The following MAPK6 variants were observed in gnomAD, a reference collection of about 807,000 sequenced individuals.
MAPK6 encodes the protein ERK-3.
Under a neutral mutation model 59.3 loss-of-function variants are expected in MAPK6, and 19 were observed. The ratio of observed to expected loss-of-function variants is 0.32; its 90% confidence interval spans 0.22 to 0.47. The LOEUF (loss-of-function observed/expected upper bound fraction) is 0.47. Among genes scored for constraint, MAPK6 ranks in the 20% least tolerant of loss-of-function variants. MAPK6 has a pLI of 1.00. For missense variants in MAPK6, 724 were observed against 847.9 expected (o/e 0.85, Z 1.81); for synonymous variants, 316 against 290.3 (o/e 1.09, Z -0.90).
At chr15:52,011,896 G>T (rs904569754) in intron 3 of MAPK6, among the ~76,000 whole-genome samples, 1 of 152,214 alleles carries the variant, frequency 6.6e-6, no homozygotes, top group African/African-American at 2.4e-5. Flanking sequence ...CAGACACACA[G>T]AAGCTTCAAG....
chr15:52,028,035 C>A (rs1595982397), intron 1 of MAPK6, among the ~76,000 whole-genome samples: 1 of 140,460 alleles, frequency 7.1e-6, no homozygotes, highest in East Asian at 2.2e-4. Context: ...TCACTGCAAG[C>A]TCTGCCTCCC....
rs185584100 is a variant in MAPK6, at chr15:51,977,011, T to C, written c.-880+5105T>C. Among the ~76,000 whole-genome samples the C allele has an allele frequency of 1.9e-3, 283 of 151,632 alleles. 1 individual carries two copies. The highest frequency in any genetic ancestry group is 6.3e-3 in the African/African-American group (263 of 41,498). On this transcript the variant is annotated intron_variant, in intron 1 of 7. Transcript: ENST00000691380. ...CATCCTAGAATTATTATTATTATTTTTGGGGGAAGGGGGATGGAGTCTCTC... is the reference window on the plus strand; with the variant it reads ...CATCCTAGAATTATTATTATTATTTCTGGGGGAAGGGGGATGGAGTCTCTC...
At chr15:52,015,775 G>A (rs568190052), upstream of MAPK6, among the ~76,000 whole-genome samples, 318 of 147,954 alleles carry the variant, frequency 2.1e-3, 1 homozygote, top group Middle Eastern at 3.4e-3. Context: ...AACTGAAACC[G>A]GGCTGGGCGT....
intron 3 of MAPK6, among the ~76,000 whole-genome samples, chr15:52,008,587 C>T (rs1031626692): frequency 7.9e-5 from 12 of 152,190 alleles, no homozygotes; most frequent in South Asian, 2.1e-4. Flanking sequence ...TGCTCACCTG[C>T]GTGCTCCACT....
intron 2 of MAPK6, among the ~76,000 whole-genome samples, chr15:51,996,271 G>A (rs954280541): frequency 3.3e-5 from 5 of 152,284 alleles, no homozygotes; most frequent in Middle Eastern, 3.4e-3. Context: ...AAGATTGTTG[G>A]TCTACTTCTA....
chr15:52,049,035 T>TC (rs2031691285), intron 2 of MAPK6, among the ~76,000 whole-genome samples: 1 of 152,178 alleles, frequency 6.6e-6, no homozygotes, highest in Non-Finnish European at 1.5e-5. Context: ...TCTCACTCTC[T>TC]CAGTCATCAC....
chr15:52,056,537 G>T (rs1424438325), intron 3 of MAPK6: 1 of 151,932 alleles, frequency 6.6e-6, no homozygotes, highest in Non-Finnish European at 1.5e-5. Flanking sequence ...ACTCTCCACA[G>T]GTCACCAGTG....
chr15:52,008,426 C>G (rs2029964423), intron 3 of MAPK6, among the ~76,000 whole-genome samples: 1 of 152,140 alleles, frequency 6.6e-6, no homozygotes, highest in African/African-American at 2.4e-5. Flanking sequence ...ACAAAACAGG[C>G]TTACCTTGTA....
intron 1 of MAPK6, among the ~76,000 whole-genome samples, chr15:52,041,438 T>TG (rs2031413782): frequency 6.6e-6 from 1 of 152,148 alleles, no homozygotes; most frequent in Non-Finnish European, 1.5e-5. Flanking sequence ...TCAGGTGATC[T>TG]GCCCGCCTCA....
intron 2 of MAPK6, among the ~76,000 whole-genome samples, chr15:51,993,387 C>T (rs569873481): frequency 3.9e-5 from 6 of 152,166 alleles, no homozygotes; most frequent in African/African-American, 1.2e-4. Flanking sequence ...AAAATATATA[C>T]CTTACGATGT....
At chr15:51,983,315 C>T (rs895063403) in exon 2 of MAPK6, among the ~76,000 whole-genome samples, 7 of 150,648 alleles carry the variant, frequency 4.6e-5, no homozygotes, top group Non-Finnish European at 1.0e-4. Context: ...GGAGAAACCC[C>T]GTATGTACTA....
chr15:51,994,456 G>A (rs539503131), intron 2 of MAPK6, among the ~76,000 whole-genome samples: 48 of 152,160 alleles, frequency 3.2e-4, no homozygotes, highest in Middle Eastern at 3.4e-3. Context: ...ATTTAGGTTC[G>A]TCTGAGGTTT....
At chr15:52,009,236 A>G (rs954025635) in intron 3 of MAPK6, among the ~76,000 whole-genome samples, 2 of 152,196 alleles carry the variant, frequency 1.3e-5, no homozygotes, top group African/African-American at 4.8e-5. Flanking sequence ...CATCCGGTCT[A>G]TTCTTTCCTT....
At chr15:52,051,897 T>A (rs2031796962) in intron 3 of MAPK6, among the ~76,000 whole-genome samples, 1 of 151,636 alleles carries the variant, frequency 6.6e-6, no homozygotes, top group South Asian at 2.1e-4. Flanking sequence ...ATTTCTAAGA[T>A]GTATGATAGT....
intron 2 of MAPK6, among the ~76,000 whole-genome samples, chr15:51,994,514 A>T (rs1367388907): frequency 6.6e-6 from 1 of 152,170 alleles, no homozygotes; most frequent in East Asian, 1.9e-4. Context: ...ACTGTACTCC[A>T]GCCTGGGCAA....
At chr15:52,001,568 G>A (rs2057242034) in intron 2 of MAPK6, among the ~76,000 whole-genome samples, 1 of 148,656 alleles carries the variant, frequency 6.7e-6, no homozygotes, top group Admixed American at 6.7e-5. Context: ...GGGTGCAGTG[G>A]TACAATCTCG....
intron 2 of MAPK6, among the ~76,000 whole-genome samples, chr15:51,998,518 T>TTTAAGA (rs1566896001): frequency 1.4e-5 from 2 of 148,032 alleles, no homozygotes; most frequent in African/African-American, 5.0e-5. Context: ...TTTTTTTTTT[T>TTTAAGA]TCTCCCCTCT....
chr15:51,999,365 A>C (rs1306097698), intron 2 of MAPK6, among the ~76,000 whole-genome samples: 1 of 152,126 alleles, frequency 6.6e-6, no homozygotes, highest in African/African-American at 2.4e-5. Flanking sequence ...TTTGATTTAC[A>C]TTTCCTTAAT....
Position 52,046,348 on chromosome 15 carries a change from G to A in MAPK6, c.-113G>A. 1.3e-6 allele frequency: 1 copy of A among 783,196 alleles called. No individual in the cohort carries two copies. The highest frequency in any genetic ancestry group is 1.8e-5 in the South Asian group (1 of 56,864). The allele number at this position is 783,196 out of a possible 1,614,324, so 48.5% of individuals were successfully genotyped here. On this transcript the variant is annotated 5_prime_UTR_variant, in exon 2 of 6. Coordinates refer to ENST00000261845, the MANE Select transcript of MAPK6 (RefSeq NM_002748.4). ...ATCAAGAAACCATCTTGCTGTGGAA[G>A]CATAATTATTTTTCTTCTCCCTTTT... is the stretch of plus-strand genomic sequence containing the variant.
Sources: gnomAD v4.1 joint callset for allele counts (sites outside exome capture counted in the v4.1 genomes callset) on GRCh38, gnomAD v4.1.1 for gene constraint, MANE v1.5 for transcripts, NCBI Gene and HGNC (gene_info 2026-07-23, HGNC 2026-07-21) for gene names.